The following LIFR variants were observed in gnomAD, a reference collection of about 807,000 sequenced individuals.
LIFR encodes leukemia inhibitory factor receptor.
In LIFR, 84 loss-of-function variants were observed where a neutral mutation model predicts 122.2. The observed-to-expected ratio is 0.69, with a 90% confidence interval of 0.58 to 0.82. The LOEUF (loss-of-function observed/expected upper bound fraction) is 0.82. LIFR is among the 40% of genes least tolerant of loss of function. The pLI, the probability that LIFR is intolerant of heterozygous loss-of-function variation, is 0.00. For synonymous variants in LIFR, 422 were observed against 434.7 expected (o/e 0.97, Z 0.36); for missense variants, 1,294 against 1,311.6 (o/e 0.99, Z 0.21).
At chr5:38,501,336 C>G (rs1052579805) in intron 11 of LIFR, among the ~76,000 whole-genome samples, 7 of 152,098 alleles carry the variant, frequency 4.6e-5, no homozygotes, top group Admixed American at 4.6e-4. Context: ...TGTGGAGAGG[C>G]AAAAATCTAG....
At chr5:38,549,659 C>T (rs1017952469) in intron 1 of LIFR, among the ~76,000 whole-genome samples, 8 of 152,128 alleles carry the variant, frequency 5.3e-5, no homozygotes, top group Non-Finnish European at 8.8e-5. Flanking sequence ...GGCGTGGTAG[C>T]GGGTGCCCAT....
upstream of LIFR, among the ~76,000 whole-genome samples, chr5:38,560,074 A>C (rs1748774988): frequency 6.6e-6 from 1 of 152,074 alleles, no homozygotes; most frequent in Non-Finnish European, 1.5e-5. Flanking sequence ...CTACATCTTG[A>C]CCCTTAAACA....
In LIFR at chr5:38,502,669, C is replaced by A; in HGVS notation, c.1568G>T (p.Ser523Ile). Residue 523 changes from serine to isoleucine, a missense_variant, in exon 11 of 20, where the codon AGC (serine) becomes ATC (isoleucine). Physicochemically the swap from Ser to Ile is moderately radical, Grantham distance 142 (BLOSUM62 -2). Coordinates refer to ENST00000453190, the MANE Select transcript of LIFR (RefSeq NM_001127671.2). ...TGTTGTTAAATGTTGTTTTTTATTG[C>A]TCCATTTGCTCCATTTCCAGAAAGT... is the stretch of plus-strand genomic sequence containing the variant. ...TETFWKWSKW[S>I]NKKQHLTTEA... The A allele has an allele frequency of 6.2e-7, 1 of 1,613,490 alleles. No individual in the cohort carries two copies. Among genetic ancestry groups the A allele is most frequent in the Non-Finnish European group, 8.5e-7 (1 of 1,179,602 alleles).
At chr5:38,556,264 C>T (rs1748534616) in intron 1 of LIFR, 70 bp downstream of exon 1, 3 of 151,978 alleles carry the variant, frequency 2.0e-5, no homozygotes, top group Admixed American at 2.0e-4. Flanking sequence ...CCGGGCCGCC[C>T]CTGGGGACCC....
chr5:38,482,668 CTTTA>C lies in LIFR; in HGVS notation c.2592-5_2592-2del. 1 of 1,287,336 alleles carries C rather than the reference CTTTA, an allele frequency of 7.8e-7. No homozygotes were observed. Among genetic ancestry groups the C allele is most frequent in the South Asian group, 1.5e-5 (1 of 67,052 alleles). 79.7% of individuals were successfully genotyped at this position (1,287,336 alleles called of 1,614,324 possible). On this transcript the variant is annotated splice_acceptor_variant and splice_polypyrimidine_tract_variant and intron_variant, in intron 18 of 19. Coordinates refer to ENST00000453190, the MANE Select transcript of LIFR (RefSeq NM_001127671.2). LOFTEE classifies it high-confidence loss of function. ...ATCAGGGTAGAAGGTTTCTTTAATC[CTTTA>C]AATAAAAAATTATTACAGTAAATTT...
intron 1 of LIFR, among the ~76,000 whole-genome samples, chr5:38,554,594 C>G (rs1346878176): frequency 2.0e-5 from 3 of 152,148 alleles, no homozygotes; most frequent in Non-Finnish European, 4.4e-5. Flanking sequence ...ATTTAGTACT[C>G]TGGGGAGGGA....
intron 1 of LIFR, among the ~76,000 whole-genome samples, chr5:38,580,157 A>G (rs1749534403): frequency 6.6e-6 from 1 of 152,068 alleles, no homozygotes; most frequent in South Asian, 2.1e-4. Context: ...AGGGAAGCTC[A>G]TTTTCTACTT....
rs1201841149 is a variant in LIFR at position 38,481,731 on chromosome 5, T to C, written c.3158A>G (p.Glu1053Gly). 1 of 1,614,044 alleles carries C rather than the reference T, an allele frequency of 6.2e-7. No individual in the cohort carries two copies. The highest frequency in any genetic ancestry group is 1.3e-5 in the African/African-American group (1 of 74,920). ...GCATGGACTTCCAAATGAGACAATC[T>C]CACTGTTGCTGTCTATGGATCTAGG... ...DSPRSIDSNSEIVSFGSPCSI... is the reference protein window; with the variant it reads ...DSPRSIDSNSGIVSFGSPCSI... Residue 1053 changes from glutamate to glycine, a missense_variant, in exon 20 of 20, where the codon GAG becomes GGG. Coordinates refer to ENST00000453190, the MANE Select transcript of LIFR (RefSeq NM_001127671.2).
chr5:38,480,041 G>C lies in LIFR; in HGVS notation c.*1554C>G, dbSNP rs1428604. ...TTTTCCACAACATGGTTTTTAAAAA[G>C]ATACAATATGAGCTTCAAAAAAAAT... On this transcript the variant is annotated 3_prime_UTR_variant, in exon 20 of 20. Transcript: ENST00000453190. 3,149 of 223,036 alleles carry C rather than the reference G, an allele frequency of 0.014. 90 individuals are homozygous for C. Among genetic ancestry groups the C allele is most frequent in the African/African-American group, 0.066 (2,950 of 44,652 alleles). 13.8% of individuals were successfully genotyped at this position (223,036 alleles called of 1,614,324 possible).
chr5:38,576,116 C>G (rs2112726943), intron 1 of LIFR, among the ~76,000 whole-genome samples: 1 of 152,224 alleles, frequency 6.6e-6, no homozygotes, highest in Admixed American at 6.5e-5. Flanking sequence ...TTATATTCCT[C>G]CCTGAGCCTC....
At chr5:38,538,907 C>A (rs7704969) in intron 1 of LIFR, among the ~76,000 whole-genome samples, 1,882 of 152,316 alleles carry the variant, frequency 0.012, 39 homozygotes, top group African/African-American at 0.042. Flanking sequence ...ACGTCTATTC[C>A]GCAATCTTCT....
In LIFR at chr5:38,476,899, T is replaced by C. The variant is rs1393512786; in HGVS notation, c.*4696A>G. 4.7e-6 allele frequency: 1 copy of C among 213,924 alleles called. No individual in the cohort carries two copies. Among genetic ancestry groups the C allele is most frequent in the Non-Finnish European group, 9.4e-6 (1 of 106,008 alleles). The allele number at this position is 213,924 out of a possible 1,614,324, so 13.3% of individuals were successfully genotyped here. ...ATAACATGGACTCTGATAATCCAAA[T>C]ATTAACATTCCTAATATAGGGAAAA... On this transcript the variant is annotated 3_prime_UTR_variant, in exon 20 of 20. Coordinates refer to ENST00000453190, the MANE Select transcript of LIFR (RefSeq NM_001127671.2).
intron 1 of LIFR, among the ~76,000 whole-genome samples, chr5:38,547,307 C>T (rs1433677721): frequency 6.6e-6 from 1 of 152,152 alleles, no homozygotes; most frequent in African/African-American, 2.4e-5. Context: ...ATTCTTGATT[C>T]ATAACTCTCC....
chr5:38,490,541 A>G (rs984398462), intron 14 of LIFR: 1 of 225,952 alleles, frequency 4.4e-6, no homozygotes, highest in African/African-American at 2.3e-5. Context: ...TGAAGAGAAC[A>G]ACGATGATTT....
At position 38,476,291 on chromosome 5, in the gene LIFR, A is replaced by G. The variant is rs1743717644; in HGVS notation, c.*5304T>C. The G allele has an allele frequency of 1.4e-5, 3 of 207,436 alleles. No homozygotes were observed. The highest frequency in any genetic ancestry group is 2.9e-5 in the Non-Finnish European group (3 of 101,708). The allele number at this position is 207,436 out of a possible 1,614,324, so 12.8% of individuals were successfully genotyped here. Reference sequence around the variant, plus strand: ...ACCTAACAGTTAACTTTTCCACGTTATAAATGAAAATTGTACTACCACCTA... The same window carrying G: ...ACCTAACAGTTAACTTTTCCACGTTGTAAATGAAAATTGTACTACCACCTA... On this transcript the variant is annotated 3_prime_UTR_variant, in exon 20 of 20. Transcript: ENST00000453190.
chr5:38,510,111 G>A (rs914795219), intron 7 of LIFR, among the ~76,000 whole-genome samples: 2 of 152,104 alleles, frequency 1.3e-5, no homozygotes, highest in African/African-American at 4.8e-5. Flanking sequence ...TACTTTAACT[G>A]GAAAATGAAT....
Position 38,511,973 on chromosome 5 carries a change from G to A in LIFR, c.562-9C>T. 6.2e-7 allele frequency: 1 copy of A among 1,613,502 alleles called. No individual in the cohort carries two copies. The highest frequency in any genetic ancestry group is 1.3e-5 in the African/African-American group (1 of 75,014). ...GTTGTGTTGTGGGTCACCTAAAAAT[G>A]AACACAAACACAAAACTGTATTTCC... On this transcript the variant is annotated splice_polypyrimidine_tract_variant and intron_variant, in intron 5 of 19. Coordinates refer to ENST00000453190, the MANE Select transcript of LIFR (RefSeq NM_001127671.2).
chr5:38,582,291 T>A (rs1749613296), intron 1 of LIFR, among the ~76,000 whole-genome samples: 1 of 152,152 alleles, frequency 6.6e-6, no homozygotes, highest in Non-Finnish European at 1.5e-5. Context: ...TCAGGCAGTT[T>A]GTTGCTTGGC....
At chr5:38,483,486 A>G (rs1211903176) in intron 18 of LIFR, among the ~76,000 whole-genome samples, 3 of 151,816 alleles carry the variant, frequency 2.0e-5, no homozygotes, top group African/African-American at 7.3e-5. Context: ...CAGTGGTGCA[A>G]TCTTGACTCA....
Sources: allele counts gnomAD v4.1 joint callset (sites outside exome capture counted in the v4.1 genomes callset), GRCh38; gene constraint gnomAD v4.1.1; transcripts MANE v1.5; gene names NCBI Gene and HGNC (gene_info 2026-07-23, HGNC 2026-07-21).